Variants in CACNA2D3 observed in about 807,000 individuals in gnomAD.
CACNA2D3 encodes calcium voltage-gated channel auxiliary subunit alpha2delta 3.
CACNA2D3 carries 60 observed loss-of-function variants against 160.6 expected under a neutral mutation model. The ratio of observed to expected loss-of-function variants is 0.37; its 90% confidence interval spans 0.30 to 0.46. CACNA2D3 has a LOEUF of 0.46. CACNA2D3 is among the 20% of genes least tolerant of loss of function. The probability of loss-of-function intolerance (pLI) is 1.00; values close to 1 mark genes in which losing one functional copy is unlikely to be tolerated. For missense variants in CACNA2D3, 1,205 were observed against 1,365.0 expected, an observed-to-expected ratio of 0.88 and a Z score of 1.85; for synonymous variants, 558 against 492.9, an observed-to-expected ratio of 1.13 and a Z score of -1.75.
Position 54,360,097 on chromosome 3 carries a change from C to T in CACNA2D3, c.322-26618C>T, listed in dbSNP as rs189992291. Among the ~76,000 whole-genome samples, 1,409 of 152,276 alleles carry T rather than the reference C, an allele frequency of 9.3e-3. 21 individuals carry two copies. Among genetic ancestry groups the T allele is most frequent in the African/African-American group, 0.032 (1,325 of 41,560 alleles). ...GGGCCAAATGTGGTTGGCCCCCCAC[C>T]TTTTTTTGTAAATAATGTTTATTGG... On this transcript the variant is annotated intron_variant, in intron 3 of 37. Coordinates refer to ENST00000474759, the MANE Select transcript of CACNA2D3 (RefSeq NM_018398.3).
Position 54,664,476 on chromosome 3 carries a change from C to T in CACNA2D3, c.1167+22235C>T, listed in dbSNP as rs117361391. 1.0e-3 allele frequency among the ~76,000 whole-genome samples: 158 copies of T among 152,300 alleles called. No homozygotes were observed. In the East Asian group the frequency reaches 0.017, roughly 17 times the overall value. On this transcript the variant is annotated intron_variant, in intron 11 of 37. Transcript: ENST00000474759. ...AGCAGCTGGATTGCTTACTCCTCAC[C>T]GCCACCTCCCCCTTTCAGCATCATC...
At chr3:54,740,122 A>G (rs1701620256) in intron 11 of CACNA2D3, among the ~76,000 whole-genome samples, 1 of 152,008 alleles carries the variant, frequency 6.6e-6, no homozygotes, top group African/African-American at 2.4e-5. Flanking sequence ...AGAAAAGGAC[A>G]CCAAAGACAG....
intron 2 of CACNA2D3, among the ~76,000 whole-genome samples, chr3:54,148,466 A>C (rs548324544): frequency 6.6e-6 from 1 of 152,284 alleles, no homozygotes; most frequent in Non-Finnish European, 1.5e-5. Context: ...CGTGTTCCCC[A>C]CTGGAAGGCA....
chr3:54,330,246 G>A (rs993037769), intron 3 of CACNA2D3, among the ~76,000 whole-genome samples: 18 of 135,070 alleles, frequency 1.3e-4, no homozygotes, highest in African/African-American at 4.7e-4. Flanking sequence ...GTGTGTGTGT[G>A]TGTCACTTGG....
rs1388911955 is a variant in CACNA2D3 at position 54,274,543 on chromosome 3, C to T, written c.205-45899C>T. On this transcript the variant is annotated intron_variant, in intron 2 of 37. Coordinates refer to ENST00000474759, the MANE Select transcript of CACNA2D3 (RefSeq NM_018398.3). ...AGTTATCTATTGTATTGCAAATTAC[C>T]CCCAAAATTATCTATTGTTGTATTG... Among the ~76,000 whole-genome samples, 5 of 152,150 alleles carry T rather than the reference C, an allele frequency of 3.3e-5. No homozygotes were observed. In the South Asian group the frequency reaches 8.3e-4, roughly 25 times the overall value.
rs183255486 is a variant in CACNA2D3 at position 54,910,367 on chromosome 3, C to G, written c.2449+10499C>G. Among the ~76,000 whole-genome samples the G allele has an allele frequency of 1.8e-4, 28 of 152,334 alleles. No individual in the cohort carries two copies. The Middle Eastern group carries it at 0.01, about 56-fold the overall frequency. On this transcript the variant is annotated intron_variant, in intron 27 of 37. Coordinates refer to ENST00000474759, the MANE Select transcript of CACNA2D3 (RefSeq NM_018398.3). ...TCATTCTTTTATGCTATATGCTCCT[C>G]TGCCTTGCTGTTTTCCATTTTCTCT... is the stretch of plus-strand genomic sequence containing the variant.
chr3:54,562,211 A>G (rs983405686), intron 5 of CACNA2D3, among the ~76,000 whole-genome samples: 7 of 152,202 alleles, frequency 4.6e-5, no homozygotes, highest in Non-Finnish European at 8.8e-5. Flanking sequence ...GTGCTGGTCA[A>G]AGGGTACAGC....
chr3:55,009,464 G>C (rs1165945215), intron 34 of CACNA2D3, 21 bp downstream of exon 34: 1 of 1,612,028 alleles, frequency 6.2e-7, no homozygotes, highest in Admixed American at 1.7e-5. Context: ...ACTGGTTTCT[G>C]TTTCCCAGCT....
chr3:54,816,203 C>A (rs937089858), intron 13 of CACNA2D3, among the ~76,000 whole-genome samples: 2 of 152,150 alleles, frequency 1.3e-5, no homozygotes, highest in African/African-American at 4.8e-5. Context: ...CTTCCTTAAC[C>A]ATCAATAAAG....
At chr3:54,633,704 C>G (rs1699296692) in intron 10 of CACNA2D3, 1 of 152,226 alleles carries the variant, frequency 6.6e-6, no homozygotes, top group African/African-American at 2.4e-5. Flanking sequence ...AGGAGTCCTT[C>G]CCACCTGGCT....
At chr3:54,177,654 A>G (rs901296787) in intron 2 of CACNA2D3, 3 of 152,162 alleles carry the variant, frequency 2.0e-5, no homozygotes, top group African/African-American at 2.4e-5. Context: ...TGATGATGCT[A>G]TTTCAAAAGT....
intron 13 of CACNA2D3, among the ~76,000 whole-genome samples, chr3:54,807,949 A>G (rs1205834221): frequency 8.1e-5 from 12 of 147,562 alleles, no homozygotes; most frequent in East Asian, 2.0e-4. Context: ...GTAAACTATC[A>G]CAAGAACAAA....
intron 4 of CACNA2D3, among the ~76,000 whole-genome samples, chr3:54,469,016 G>A (rs567803142): frequency 2.6e-5 from 4 of 152,336 alleles, no homozygotes; most frequent in African/African-American, 7.2e-5. Context: ...AGACTTAAAT[G>A]TTCCCGCCTG....
intron 19 of CACNA2D3, 85 bp from the exon 20 acceptor site, chr3:54,879,265 T>G (rs1341614954): frequency 9.5e-7 from 1 of 1,051,994 alleles, no homozygotes; most frequent in East Asian, 2.4e-5. Context: ...TGTGTCCATT[T>G]ATTTTTATTT....
intron 12 of CACNA2D3, among the ~76,000 whole-genome samples, chr3:54,758,361 G>A (rs1414319940): frequency 6.6e-6 from 1 of 152,088 alleles, no homozygotes; most frequent in Non-Finnish European, 1.5e-5. Flanking sequence ...TGAGGCTCAA[G>A]CTGATTTTGA....
chr3:54,512,145 G>A (rs1701469443), intron 5 of CACNA2D3, among the ~76,000 whole-genome samples: 1 of 152,220 alleles, frequency 6.6e-6, no homozygotes, highest in Non-Finnish European at 1.5e-5. Flanking sequence ...TAGATGGTCT[G>A]CAGGTGGCTC....
At chr3:54,701,784 C>A (rs1323724380) in intron 11 of CACNA2D3, among the ~76,000 whole-genome samples, 1 of 152,074 alleles carries the variant, frequency 6.6e-6, no homozygotes, top group African/African-American at 2.4e-5. Context: ...GTCTGAATAG[C>A]CAAAGCAATC....
intron 4 of CACNA2D3, 45 bp downstream of exon 4, chr3:54,386,819 C>A (rs372714383): frequency 1.3e-5 from 20 of 1,511,140 alleles, no homozygotes; most frequent in African/African-American, 2.8e-5. Flanking sequence ...GTGTTTCCTG[C>A]CAAAGGACAA....
At chr3:54,333,823 C>T (rs1480211533) in intron 3 of CACNA2D3, among the ~76,000 whole-genome samples, 1 of 152,242 alleles carries the variant, frequency 6.6e-6, no homozygotes, top group African/African-American at 2.4e-5. Context: ...GAGGGAACCT[C>T]GTAGGAGCCA....
Sources: allele counts gnomAD v4.1 joint callset (sites outside exome capture counted in the v4.1 genomes callset), GRCh38; gene constraint gnomAD v4.1.1; transcripts MANE v1.5; gene names NCBI Gene and HGNC (gene_info 2026-07-23, HGNC 2026-07-21).